Variants in GREP1 observed in about 807,000 individuals in gnomAD.
GREP1 encodes glycine-rich extracellular protein 1.
exon 1 of GREP1, chr16:2,988,283 G>T (rs977548945): frequency 5.0e-6 from 2 of 399,070 alleles, no homozygotes; most frequent in Admixed American, 4.4e-5. Flanking sequence ...AGTCATGGGC[G>T]CCTGGGCCTT....
chr16:2,994,606 G>A (rs1016272762), intron 10 of GREP1, 92 bp from the exon 12 acceptor site: 36 of 398,458 alleles, frequency 9.0e-5, no homozygotes, highest in African/African-American at 2.5e-4. Flanking sequence ...TTTCTGGCTC[G>A]TTGAAGTTGG....
At chr16:2,995,859 T>A (rs1016640964) in exon 18 of GREP1, 4 of 397,964 alleles carry the variant, frequency 1.0e-5, no homozygotes, top group African/African-American at 8.3e-5. Context: ...CTCTCCAGGA[T>A]ATGGGAAAAG....
At position 2,992,798 on chromosome 16, in the gene GREP1, CA is replaced by C. The variant is rs1596461669; in HGVS notation, c.323-4del. 5.8e-5 allele frequency: 23 copies of C among 399,184 alleles called. 1 individual carries two copies. In the East Asian group the frequency reaches 7.8e-4, roughly 14 times the overall value. 24.7% of individuals were successfully genotyped at this position (399,184 alleles called of 1,614,324 possible). A position where few individuals can be genotyped will look rare whatever the true frequency, so the allele number is the denominator to read the frequency against. On this transcript the variant is annotated splice_region_variant and splice_polypyrimidine_tract_variant and intron_variant, in intron 8 of 34. Transcript: ENST00000573315. This position sits in a 1 kb window ranked among gnomAD's most constrained non-coding sequence, Gnocchi z 4.9. ...CCTTCCACACTCCTGTGTCTGCCCTCAAACAGGTCCTGCCGCTCAAAATGGC... is the reference window on the plus strand; with the variant it reads ...CCTTCCACACTCCTGTGTCTGCCCTCAACAGGTCCTGCCGCTCAAAATGGC...
At chr16:2,994,466 G>T (rs1172699691) in intron 10 of GREP1, 2 of 350,968 alleles carry the variant, frequency 5.7e-6, no homozygotes. Context: ...CCAAGATCAC[G>T]CCATTGCTCT....
At position 2,990,125 on chromosome 16, in the gene GREP1, G is replaced by A; in HGVS notation, c.199+3G>A. 2.5e-6 allele frequency: 1 copy of A among 399,282 alleles called. No homozygotes were observed. The highest frequency in any genetic ancestry group is 4.4e-6 in the Non-Finnish European group (1 of 226,182). The allele number at this position is 399,282 out of a possible 1,614,324, so 24.7% of individuals were successfully genotyped here. A position where few individuals can be genotyped will look rare whatever the true frequency, so the allele number is the denominator to read the frequency against. On this transcript the variant is annotated splice_donor_region_variant and intron_variant, in intron 5 of 34. Coordinates refer to ENST00000573315, the Ensembl canonical transcript of GREP1. ...GCATGGGCTGGGAACCCAGCCAGGT[G>A]AGAGCCGTGGGGTCCCCTCCTTCCC...
chr16:2,990,734 G>T, intron 7 of GREP1, 147 bp downstream of exon 6: 1 of 398,192 alleles, frequency 2.5e-6, no homozygotes, highest in Non-Finnish European at 4.4e-6. Context: ...AGAACAGGTG[G>T]GTGTCTCACG....
At chr16:2,994,401 C>T (rs1458070396) in intron 10 of GREP1, 2 of 224,850 alleles carry the variant, frequency 8.9e-6, no homozygotes, top group Non-Finnish European at 1.7e-5. Context: ...CCCAGCTCCT[C>T]AGGAGACTGA....
chr16:2,995,072 C>G (rs2072417748), intron 13 of GREP1, 110 bp downstream of exon 14: 1 of 398,268 alleles, frequency 2.5e-6, no homozygotes, highest in Non-Finnish European at 4.4e-6. Context: ...CTCCAAGATC[C>G]TTGGCTTCTG....
rs1236629704 is a variant in GREP1, at chr16:2,991,240, G to C, written c.322+139G>C. On this transcript the variant is annotated intron_variant, in intron 8 of 34. Transcript: ENST00000573315. This position sits in a 1 kb window ranked among gnomAD's most constrained non-coding sequence, Gnocchi z 4.9. ...GCTCAGCCACTCTGTCCCTTCCCAG[G>C]CCTGGGAGTGGGCGTGAAACCTCCG... 7.6e-6 allele frequency: 3 copies of C among 396,804 alleles called. No individual in the cohort carries two copies. The highest frequency in any genetic ancestry group is 1.3e-5 in the Non-Finnish European group (3 of 225,264). 24.6% of individuals were successfully genotyped at this position (396,804 alleles called of 1,614,324 possible).
Position 2,989,994 on chromosome 16 carries a change from C to A in GREP1, c.151C>A (p.Pro51Thr). 2.5e-6 allele frequency: 1 copy of A among 399,452 alleles called. No individual in the cohort carries two copies. Among genetic ancestry groups the A allele is most frequent in the South Asian group, 1.3e-4 (1 of 7,870 alleles). The allele number at this position is 399,452 out of a possible 1,614,324, so 24.7% of individuals were successfully genotyped here. A position where few individuals can be genotyped will look rare whatever the true frequency, so the allele number is the denominator to read the frequency against. The change falls in exon 4 of 35, where the codon CCA becomes ACA. Residue 51 changes from proline (P) to threonine (T), a missense_variant. Coordinates refer to ENST00000573315, the Ensembl canonical transcript of GREP1. This position sits in a 1 kb window ranked among gnomAD's most constrained non-coding sequence, Gnocchi z 4.2. ...TCCAGGCTATGATGGGGGCGTGAAG[C>A]CACAGAAGCCAGGTGAGCCCTGCCC...
Position 3,000,353 on chromosome 16 carries a change from AGGTGCCTGG to A in GREP1, c.1327+2_1327+10del. Reference sequence around the variant, plus strand: ...TCTTCCCCGAGGCCCACCCACAGCCAGGTGCCTGGGGAGCAGGGGTCGGGGTGGGAGAGT... The same window carrying A: ...TCTTCCCCGAGGCCCACCCACAGCCAGGAGCAGGGGTCGGGGTGGGAGAGT... On this transcript the variant is annotated splice_donor_variant and splice_donor_5th_base_variant and coding_sequence_variant and intron_variant, in exon 30 of 35. Transcript: ENST00000573315. LOFTEE classifies it high-confidence loss of function. 2.5e-6 allele frequency: 1 copy of A among 399,182 alleles called. No individual in the cohort carries two copies. The highest frequency in any genetic ancestry group is 4.4e-6 in the Non-Finnish European group (1 of 226,204). The allele number at this position is 399,182 out of a possible 1,614,324, so 24.7% of individuals were successfully genotyped here. A position where few individuals can be genotyped will look rare whatever the true frequency, so the allele number is the denominator to read the frequency against.
intron 34 of GREP1, 49 bp downstream of exon 28, chr16:3,001,383 G>C (rs1460416501): frequency 2.5e-6 from 1 of 399,014 alleles, no homozygotes; most frequent in Admixed American, 4.4e-5. Context: ...GGCCCCCCGT[G>C]GTCACCCCTC....
At chr16:2,993,732 G>A (rs1596461904) in intron 10 of GREP1, 1 of 152,088 alleles carries the variant, frequency 6.6e-6, no homozygotes, top group African/African-American at 2.4e-5. Flanking sequence ...GGCTGAGGCG[G>A]GTGGATCACA....
exon 26 of GREP1, chr16:2,998,903 G>A (rs1243021620): frequency 1.5e-5 from 6 of 399,036 alleles, no homozygotes; most frequent in African/African-American, 6.2e-5. Context: ...CCACTCCAGG[G>A]GTCCCTTCGG....
chr16:3,001,122 T>C (rs1859378), intron 33 of GREP1, among the ~76,000 whole-genome samples, 159 bp from the exon 28 acceptor site: 107,810 of 151,918 alleles, frequency 0.71, 39,151 homozygotes, highest in African/African-American at 0.87. Flanking sequence ...CAGTTCTCCA[T>C]ACTCTGTCCC....
chr16:2,996,446 C>A (rs2072425337), intron 18 of GREP1, 50 bp from the exon 18 acceptor site: 1 of 398,994 alleles, frequency 2.5e-6, no homozygotes, highest in Non-Finnish European at 4.4e-6. Flanking sequence ...GTCCTCCTGA[C>A]ACCCCCTCCG....
chr16:2,996,387 CCAG>C (rs1393718534), intron 18 of GREP1, 106 bp from the exon 18 acceptor site: 6 of 396,906 alleles, frequency 1.5e-5, no homozygotes, highest in Non-Finnish European at 2.7e-5. Flanking sequence ...GGAGGGGGAG[CCAG>C]GCCCCCTCCC....
exon 35 of GREP1, chr16:3,001,829 C>T (rs140034085): frequency 1.0e-5 from 4 of 393,282 alleles, no homozygotes; most frequent in African/African-American, 8.2e-5. Context: ...GGACCATGTT[C>T]CCAACAGGAG....
chr16:2,995,005 C>T (rs1036817540), intron 13 of GREP1, 43 bp downstream of exon 14: 29 of 398,942 alleles, frequency 7.3e-5, no homozygotes, highest in East Asian at 7.1e-4. Context: ...TGCATCTGGG[C>T]GGCCTCTTCC....
Sources: allele counts gnomAD v4.1 joint callset (sites outside exome capture counted in the v4.1 genomes callset), GRCh38; gene constraint gnomAD v4.1.1; non-coding constraint Gnocchi (gnomAD v3.1); transcripts MANE v1.5; gene names NCBI Gene and HGNC (gene_info 2026-07-23, HGNC 2026-07-21).